Variants in MCF2L observed in about 807,000 individuals in gnomAD.
MCF2L encodes guanine nucleotide exchange factor DBS.
MCF2L carries 97 observed loss-of-function variants against 153.4 expected under a neutral mutation model. The ratio of observed to expected loss-of-function variants is 0.63; its 90% CI spans 0.54 to 0.75. The LOEUF (loss-of-function observed/expected upper bound fraction) is 0.75, where lower values mean the gene tolerates loss of function less well. MCF2L is among the 30% of genes least tolerant of loss of function. The pLI, the probability that MCF2L is intolerant of heterozygous loss-of-function variation, is 0.00. For synonymous variants in MCF2L, 659 were observed against 632.2 expected, an observed-to-expected ratio of 1.04 and a Z score of -0.64; for missense variants, 1,347 against 1,495.2, an observed-to-expected ratio of 0.90 and a Z score of 1.64.
chr13:112,934,311 G>A lies in MCF2L; in HGVS notation c.169+31940G>A, dbSNP rs570394980. ...ATGGTCCACAGCGGGGAGGCTCAGC[G>A]CTGTCTCTAGAGGGACCTGCCCTGA... On this transcript the variant is annotated intron_variant, in intron 2 of 29. Transcript: ENST00000375608. Among the ~76,000 whole-genome samples the A allele has an allele frequency of 5.8e-4, 89 of 152,344 alleles. 2 individuals are homozygous for A. Among genetic ancestry groups the A allele is most frequent in the African/African-American group, 2.1e-3 (88 of 41,582 alleles).
intron 2 of MCF2L, among the ~76,000 whole-genome samples, chr13:112,918,822 C>A (rs1274252913): frequency 6.6e-6 from 1 of 152,186 alleles, no homozygotes; most frequent in South Asian, 2.1e-4. Context: ...ACTGAAGCAT[C>A]GGCCCAGACT....
chr13:113,076,692 C>T (rs145966301), intron 12 of MCF2L, among the ~76,000 whole-genome samples: 9 of 152,388 alleles, frequency 5.9e-5, no homozygotes, highest in South Asian at 2.1e-4. Flanking sequence ...ATCCCGCCTC[C>T]GCTGGCAGAC....
chr13:113,078,011 CAG>C (rs1330127979), intron 13 of MCF2L, among the ~76,000 whole-genome samples: 3 of 152,308 alleles, frequency 2.0e-5, no homozygotes, highest in African/African-American at 4.8e-5. Flanking sequence ...TGGGGTGACT[CAG>C]GGCAGTGAGG....
chr13:112,982,094 G>T (rs926508303), intron 1 of MCF2L, among the ~76,000 whole-genome samples: 2 of 152,112 alleles, frequency 1.3e-5, no homozygotes, highest in African/African-American at 4.8e-5. Flanking sequence ...GGCAGTGGGG[G>T]CCCCAGCAGA....
At chr13:113,018,103 C>T (rs372649685) in intron 2 of MCF2L, among the ~76,000 whole-genome samples, 2 of 152,230 alleles carry the variant, frequency 1.3e-5, no homozygotes, top group African/African-American at 4.8e-5. Context: ...AACCCTACAG[C>T]TCTGTCCAGA....
intron 2 of MCF2L, among the ~76,000 whole-genome samples, chr13:112,931,051 G>A (rs2081457771): frequency 2.6e-5 from 4 of 152,220 alleles, no homozygotes; most frequent in African/African-American, 7.2e-5. Flanking sequence ...GCCAGGACGC[G>A]CCTCTCACCT....
Position 113,045,196 on chromosome 13 carries a change from G to A in MCF2L, c.279-75G>A. On this transcript the variant is annotated intron_variant, in intron 3 of 29. Coordinates refer to ENST00000535094, the MANE Select transcript of MCF2L (RefSeq NM_001112732.3). This position sits in a 1 kb window ranked among gnomAD's most constrained non-coding sequence, Gnocchi z 4.2. ...ATATGGGGGATCGCTCTCCCAAGAGGTTTTCTGAGGGATTTCGTGGGCAGC... is the reference window on the plus strand; with the variant it reads ...ATATGGGGGATCGCTCTCCCAAGAGATTTTCTGAGGGATTTCGTGGGCAGC... 1 of 1,225,376 alleles carries A rather than the reference G, an allele frequency of 8.2e-7. No homozygotes were observed. Among genetic ancestry groups the A allele is most frequent in the Non-Finnish European group, 1.2e-6 (1 of 826,064 alleles). 75.9% of individuals were successfully genotyped at this position (1,225,376 alleles called of 1,614,324 possible).
chr13:112,976,594 GCACTGGGTCACCTGCA>G (rs2082223201), intron 1 of MCF2L, among the ~76,000 whole-genome samples: 1 of 152,214 alleles, frequency 6.6e-6, no homozygotes, highest in East Asian at 1.9e-4. Context: ...GCGGGGAGCA[GCACTGGGTCACCTGCA>G]CCTCTGAGGC....
intron 3 of MCF2L, chr13:113,042,431 G>A (rs750616851): frequency 5.3e-5 from 8 of 152,228 alleles, no homozygotes; most frequent in East Asian, 1.9e-4. Context: ...TGTTTTAGTC[G>A]TTGGTAACTG....
chr13:113,049,820 G>A (rs2087093436), intron 4 of MCF2L, among the ~76,000 whole-genome samples: 1 of 152,218 alleles, frequency 6.6e-6, no homozygotes, highest in South Asian at 2.1e-4. Context: ...CATATGTGCT[G>A]TCTTAAGAGC....
rs774192487 is a variant in MCF2L, at chr13:112,960,029, C to T, written c.170-54734C>T. Among the ~76,000 whole-genome samples the T allele has an allele frequency of 2.6e-5, 4 of 152,242 alleles. No homozygotes were observed. The highest frequency in any genetic ancestry group is 5.9e-5 in the Non-Finnish European group (4 of 68,042). ...CGGGCTGCGGCAGAGGTGCCTGTGT[C>T]ACCGAGGTCCCTCGGTAACTTCAGG... On this transcript the variant is annotated intron_variant, in intron 2 of 29. Coordinates refer to the MCF2L transcript ENST00000375608. This position sits in a 1 kb window ranked among gnomAD's most constrained non-coding sequence, Gnocchi z 4.2.
intron 1 of MCF2L, among the ~76,000 whole-genome samples, chr13:113,005,413 G>T (rs2083621715): frequency 6.6e-6 from 1 of 152,212 alleles, no homozygotes; most frequent in African/African-American, 2.4e-5. Flanking sequence ...ATGAAGTCTG[G>T]GGGTCTGTTC....
chr13:113,005,557 T>C (rs2083638676), intron 1 of MCF2L, among the ~76,000 whole-genome samples: 1 of 151,810 alleles, frequency 6.6e-6, no homozygotes, highest in African/African-American at 2.4e-5. Context: ...TCTGGGTGGC[T>C]GTGGTCTGTT....
chr13:113,064,603 T>G lies in MCF2L; in HGVS notation c.606+183T>G, dbSNP rs538913094. The G allele has an allele frequency of 1.8e-6, 1 of 564,992 alleles. No individual in the cohort carries two copies. Among genetic ancestry groups the G allele is most frequent in the Non-Finnish European group, 3.1e-6 (1 of 318,828 alleles). 35.0% of individuals were successfully genotyped at this position (564,992 alleles called of 1,614,324 possible). On this transcript the variant is annotated intron_variant, in intron 6 of 29. Coordinates refer to ENST00000535094, the MANE Select transcript of MCF2L (RefSeq NM_001112732.3). The surrounding 1 kb of genome is among the most constrained non-coding windows in gnomAD (Gnocchi z 6.0). ...CATTGTAAAGAAGTAACGTGAGTCA[T>G]AAGTTTGGGAGTGGCTTTCTCTGGG...
chr13:112,919,588 C>A (rs76060558), intron 2 of MCF2L, among the ~76,000 whole-genome samples: 22,014 of 151,796 alleles, frequency 0.15, 1,692 homozygotes, highest in East Asian at 0.17. Context: ...AAAAAAAATG[C>A]CTAGAAACGC....
At chr13:113,019,362 G>T (rs2084734993) in intron 2 of MCF2L, among the ~76,000 whole-genome samples, 1 of 152,186 alleles carries the variant, frequency 6.6e-6, no homozygotes, top group Non-Finnish European at 1.5e-5. Flanking sequence ...CCCGACGGCT[G>T]CTCCAACCTG....
chr13:112,997,427 A>AC (rs2083186536), intron 1 of MCF2L, among the ~76,000 whole-genome samples: 1 of 152,064 alleles, frequency 6.6e-6, no homozygotes, highest in Non-Finnish European at 1.5e-5. Context: ...CATAGCTGGG[A>AC]CCCCGTACGT....
At chr13:112,962,878 T>C (rs979879076) in intron 2 of MCF2L, among the ~76,000 whole-genome samples, 6 of 152,192 alleles carry the variant, frequency 3.9e-5, no homozygotes, top group Non-Finnish European at 7.3e-5. Flanking sequence ...AATCCAGGCA[T>C]CTTTGCCTTC....
At chr13:112,895,333 T>C (rs2081056605) in intron 1 of MCF2L, among the ~76,000 whole-genome samples, 1 of 152,078 alleles carries the variant, frequency 6.6e-6, no homozygotes, top group Admixed American at 6.5e-5. Flanking sequence ...CCAGGCAGGA[T>C]GTGCCGGCAT....
Sources: allele counts gnomAD v4.1 joint callset (sites outside exome capture counted in the v4.1 genomes callset), GRCh38; gene constraint gnomAD v4.1.1; non-coding constraint Gnocchi (gnomAD v3.1); transcripts MANE v1.5; gene names NCBI Gene and HGNC (gene_info 2026-07-23, HGNC 2026-07-21).